The following SLC12A2 variants were observed in gnomAD, a reference collection of about 807,000 sequenced individuals.
SLC12A2 encodes Na-K-2Cl cotransporter 1.
In SLC12A2, 67 loss-of-function variants were observed where a neutral mutation model predicts 136.3. The ratio of observed to expected loss-of-function variants is 0.49; its 90% CI spans 0.40 to 0.60. The LOEUF (loss-of-function observed/expected upper bound fraction) is 0.60. SLC12A2 is among the 20% of genes least tolerant of loss of function. The pLI is 0.00. For missense variants in SLC12A2, 1,322 were observed against 1,534.7 expected, an observed-to-expected ratio of 0.86 and a Z score of 2.32; for synonymous variants, 619 against 562.9, an observed-to-expected ratio of 1.10 and a Z score of -1.41.
chr5:128,115,795 T>G (rs1181199418), intron 4 of SLC12A2, among the ~76,000 whole-genome samples: 3 of 152,162 alleles, frequency 2.0e-5, no homozygotes, highest in Non-Finnish European at 4.4e-5. Context: ...TATTTGGGTG[T>G]GGGAGGGATA....
Position 128,084,555 on chromosome 5 carries a change from T to C in SLC12A2, c.601T>C (p.Tyr201His). ...CAGTGGGCACCACCAGCACTACTAT[T>C]ATGATACCCACACCAACACCTACTA... is the stretch of plus-strand genomic sequence containing the variant. ...GGSGHHQHYY[Y>H]DTHTNTYYLR... Residue 201 changes from tyrosine (Y) to histidine (H), a missense_variant, in exon 1 of 27, where the codon TAT (tyrosine) becomes CAT (histidine). This residue lies in a region of SLC12A2 where 358 missense variants were observed against 299.7 expected (regional missense o/e 1.19). Coordinates refer to ENST00000262461, the MANE Select transcript of SLC12A2 (RefSeq NM_001046.3). The surrounding 1 kb of genome is among the most constrained non-coding windows in gnomAD (Gnocchi z 5.6). 1 of 1,613,652 alleles carries C rather than the reference T, an allele frequency of 6.2e-7. No homozygotes were observed. Among genetic ancestry groups the C allele is most frequent in the South Asian group, 1.1e-5 (1 of 91,080 alleles).
chr5:128,150,854 A>T (rs1299309311), intron 13 of SLC12A2, among the ~76,000 whole-genome samples: 9 of 151,910 alleles, frequency 5.9e-5, no homozygotes, highest in Non-Finnish European at 1.2e-4. Flanking sequence ...TAGACTATGG[A>T]TATGGGTCAT....
rs534794080 is a variant in SLC12A2 at position 128,090,317 on chromosome 5, A to G, written c.756+5607A>G. Among the ~76,000 whole-genome samples the G allele has an allele frequency of 9.8e-5, 15 of 152,314 alleles. No homozygotes were observed. In the South Asian group the frequency reaches 3.1e-3, roughly 32 times the overall value. ...ATCTTCTCTGTGTGTATTTATGTTC[A>G]TACATTTTAAAATCCTGTGAGACTA... On this transcript the variant is annotated intron_variant, in intron 1 of 26. Coordinates refer to ENST00000262461, the MANE Select transcript of SLC12A2 (RefSeq NM_001046.3).
chr5:128,150,588 A>G (rs950815105), intron 13 of SLC12A2, among the ~76,000 whole-genome samples: 24 of 151,682 alleles, frequency 1.6e-4, no homozygotes, highest in Admixed American at 1.4e-3. Flanking sequence ...CAAACATTCT[A>G]ACATCAGGTT....
At chr5:128,184,102 TA>T (rs1763793823) in intron 24 of SLC12A2, among the ~76,000 whole-genome samples, 1 of 152,090 alleles carries the variant, frequency 6.6e-6, no homozygotes, top group Non-Finnish European at 1.5e-5. Context: ...TAGAAAGTTT[TA>T]GATTTTGAAG....
intron 1 of SLC12A2, among the ~76,000 whole-genome samples, chr5:128,112,043 C>T (rs1228178995): frequency 6.6e-6 from 1 of 152,134 alleles, no homozygotes; most frequent in African/African-American, 2.4e-5. Flanking sequence ...ACCATCTCCC[C>T]TTTCCTTTCA....
intron 4 of SLC12A2, among the ~76,000 whole-genome samples, chr5:128,118,608 A>G (rs1306681887): frequency 6.6e-6 from 1 of 152,170 alleles, no homozygotes; most frequent in East Asian, 1.9e-4. Context: ...AGGCCACACA[A>G]CCACACATTG....
intron 6 of SLC12A2, 109 bp from the exon 7 acceptor site, chr5:128,135,591 C>A: frequency 1.4e-6 from 1 of 730,832 alleles, no homozygotes; most frequent in South Asian, 1.7e-5. Context: ...GGGAATCAGG[C>A]AAAACAAGAC....
At chr5:128,090,017 A>T (rs1760251629) in intron 1 of SLC12A2, among the ~76,000 whole-genome samples, 1 of 152,178 alleles carries the variant, frequency 6.6e-6, no homozygotes, top group South Asian at 2.1e-4. Context: ...GGCAAAGTCA[A>T]ATTTGGCTGA....
At chr5:128,155,574 A>G (rs1762848790) in intron 15 of SLC12A2, among the ~76,000 whole-genome samples, 1 of 152,122 alleles carries the variant, frequency 6.6e-6, no homozygotes, top group Admixed American at 6.5e-5. Context: ...CCTTAACTGT[A>G]TTCATCACTG....
rs1047756694 is a variant in SLC12A2 at position 128,186,806 on chromosome 5, C to T, written c.*175C>T. 1.7e-5 allele frequency: 9 copies of T among 527,690 alleles called. No individual in the cohort carries two copies. The highest frequency in any genetic ancestry group is 6.0e-5 in the East Asian group (2 of 33,550). 32.7% of individuals were successfully genotyped at this position (527,690 alleles called of 1,614,324 possible). On this transcript the variant is annotated 3_prime_UTR_variant, in exon 27 of 27. Coordinates refer to ENST00000262461, the MANE Select transcript of SLC12A2 (RefSeq NM_001046.3). ...CCATTGATAACGTGTATGGAGACTTCGGTTTTAGTCAATTCCATATCTCAA... is the reference window on the plus strand; with the variant it reads ...CCATTGATAACGTGTATGGAGACTTTGGTTTTAGTCAATTCCATATCTCAA...
intron 4 of SLC12A2, among the ~76,000 whole-genome samples, chr5:128,127,289 T>C (rs1390567679): frequency 1.3e-5 from 2 of 151,366 alleles, no homozygotes; most frequent in Non-Finnish European, 2.9e-5. Flanking sequence ...GCCCAGCTAA[T>C]TTTTTGTATT....
At position 128,084,083 on chromosome 5, in the gene SLC12A2, G is replaced by C; in HGVS notation, c.129G>C (p.Pro43=). 1 of 1,317,116 alleles carries C rather than the reference G, an allele frequency of 7.6e-7. No individual in the cohort carries two copies. Among genetic ancestry groups the C allele is most frequent in the Non-Finnish European group, 9.6e-7 (1 of 1,037,476 alleles). 81.6% of individuals were successfully genotyped at this position (1,317,116 alleles called of 1,614,324 possible). A position where few individuals can be genotyped will look rare whatever the true frequency, so the allele number is the denominator to read the frequency against. Residue 43 remains proline (P), a synonymous_variant, in exon 1 of 27, where the codon CCG becomes CCC. Coordinates refer to ENST00000262461, the MANE Select transcript of SLC12A2 (RefSeq NM_001046.3). The surrounding 1 kb of genome is among the most constrained non-coding windows in gnomAD (Gnocchi z 5.6). ...CCGGCACGGCTGTGCCCTCGGTGCC[G>C]GAGGATGCTGCGCCCGCGAGCCGGG... is the stretch of plus-strand genomic sequence containing the variant. The part of the protein sequence containing the change: ...ELPGTAVPSV[P]EDAAPASRDG...
At chr5:128,105,546 G>A (rs1760901639) in intron 1 of SLC12A2, among the ~76,000 whole-genome samples, 2 of 152,176 alleles carry the variant, frequency 1.3e-5, no homozygotes, top group African/African-American at 4.8e-5. Context: ...GTTGTGGTGA[G>A]GGGAAGCCAG....
intron 14 of SLC12A2, among the ~76,000 whole-genome samples, chr5:128,152,334 G>T (rs1440269534): frequency 6.6e-6 from 1 of 152,098 alleles, no homozygotes; most frequent in African/African-American, 2.4e-5. Context: ...AACCCAAACA[G>T]TTAAGTACTA....
chr5:128,138,399 G>T (rs1762252941), intron 7 of SLC12A2, among the ~76,000 whole-genome samples, 198 bp from the exon 8 acceptor site: 1 of 152,170 alleles, frequency 6.6e-6, no homozygotes, highest in Non-Finnish European at 1.5e-5. Flanking sequence ...AATCAGATCA[G>T]ATGATCATTT....
intron 1 of SLC12A2, among the ~76,000 whole-genome samples, chr5:128,101,518 G>T (rs1047176144): frequency 6.6e-6 from 1 of 152,020 alleles, no homozygotes; most frequent in Non-Finnish European, 1.5e-5. Context: ...ATAATTTTGG[G>T]TTTATTTAAA....
At position 128,185,168 on chromosome 5, in the gene SLC12A2, G is replaced by A. The variant is rs188155843; in HGVS notation, c.3503+312G>A. On this transcript the variant is annotated intron_variant, in intron 26 of 26. Transcript: ENST00000262461. ...ACACTACAGCATAGCCGTTAAGCACGTGTGGATAGGAGGGTCCTACGTTAA... is the reference window on the plus strand; with the variant it reads ...ACACTACAGCATAGCCGTTAAGCACATGTGGATAGGAGGGTCCTACGTTAA... Among the ~76,000 whole-genome samples the A allele has an allele frequency of 8.5e-3, 1,293 of 152,184 alleles. 8 individuals carry two copies. The highest frequency in any genetic ancestry group is 0.012 in the Non-Finnish European group (805 of 67,992).
Position 128,186,454 on chromosome 5 carries a change from G to T in SLC12A2, c.3504-42G>T, listed in dbSNP as rs756102116. The T allele has an allele frequency of 4.9e-5, 74 of 1,513,334 alleles. 4 individuals carry two copies. The South Asian group carries it at 9.0e-4, about 18-fold the overall frequency. 93.7% of individuals were successfully genotyped at this position (1,513,334 alleles called of 1,614,324 possible). ...CTACATTTTATTCTGTAAATGCATT[G>T]CTCAGGGTTTTTTTTTTTTCTTTTT... is the stretch of plus-strand genomic sequence containing the variant. On this transcript the variant is annotated intron_variant, in intron 26 of 26. Transcript: ENST00000262461.
Sources: gnomAD v4.1 joint callset for allele counts (sites outside exome capture counted in the v4.1 genomes callset) on GRCh38, gnomAD v4.1.1 for gene constraint, gnomAD v4.1.1 regional missense constraint, Gnocchi (gnomAD v3.1) non-coding constraint, MANE v1.5 for transcripts, NCBI Gene and HGNC (gene_info 2026-07-23, HGNC 2026-07-21) for gene names.